Variants in PARD3 observed in about 807,000 individuals in gnomAD.
PARD3 encodes the protein par-3 family cell polarity regulator.
Under a neutral mutation model 155.4 loss-of-function variants are expected in PARD3, and 75 were observed. The ratio of observed to expected loss-of-function variants is 0.48; its 90% CI spans 0.40 to 0.58. The LOEUF is 0.58. Among genes scored for constraint, PARD3 ranks in the 20% least tolerant of loss-of-function variants. The pLI is 0.00. For synonymous variants in PARD3, 576 were observed against 610.5 expected (o/e 0.94, Z 0.83); for missense variants, 1,642 against 1,721.7 (o/e 0.95, Z 0.82).
At chr10:34,691,261 C>T (rs1590669920) in intron 2 of PARD3, among the ~76,000 whole-genome samples, 1 of 152,080 alleles carries the variant, frequency 6.6e-6, no homozygotes, top group African/African-American at 2.4e-5. Flanking sequence ...GATGCAAAAC[C>T]AATGTATAAA....
At chr10:34,381,603 G>A (rs927431123) in intron 9 of PARD3, among the ~76,000 whole-genome samples, 4 of 151,920 alleles carry the variant, frequency 2.6e-5, no homozygotes, top group South Asian at 2.1e-4. Context: ...ATGAAGAATC[G>A]GCAATCGACA....
chr10:34,229,344 G>A (rs1437658276), intron 22 of PARD3, among the ~76,000 whole-genome samples: 1 of 152,046 alleles, frequency 6.6e-6, no homozygotes, highest in Non-Finnish European at 1.5e-5. Flanking sequence ...TTGGCCTCCT[G>A]AGTAAGCTGG....
At chr10:34,322,346 G>T (rs1055378461) in intron 19 of PARD3, among the ~76,000 whole-genome samples, 1 of 152,164 alleles carries the variant, frequency 6.6e-6, no homozygotes, top group Non-Finnish European at 1.5e-5. Context: ...GCAGAAAAAT[G>T]TTGGGTCTTT....
At chr10:34,175,473 G>A (rs1231702298) in intron 22 of PARD3, among the ~76,000 whole-genome samples, 1 of 152,156 alleles carries the variant, frequency 6.6e-6, no homozygotes, top group African/African-American at 2.4e-5. Context: ...AGGGGCCCCA[G>A]AGACTGGATC....
intron 22 of PARD3, among the ~76,000 whole-genome samples, chr10:34,168,032 A>C (rs1173140225): frequency 6.7e-6 from 1 of 148,416 alleles, no homozygotes; most frequent in Non-Finnish European, 1.5e-5. Context: ...AGGTCGTGTC[A>C]TAGTAATGGC....
rs905035715 is a variant in PARD3 at position 34,345,756 on chromosome 10, T to C, written c.2218+2209A>G. 24 of 985,294 alleles carry C rather than the reference T, an allele frequency of 2.4e-5. No homozygotes were observed. In the African/African-American group the frequency reaches 3.8e-4, roughly 16 times the overall value. 61.0% of individuals were successfully genotyped at this position (985,294 alleles called of 1,614,324 possible). Reference sequence around the variant, plus strand: ...GCCCCATACCTCTCCTAATGCCTTGTTTGGGCATTCTCTTGCAAGGTAACG... The same window carrying C: ...GCCCCATACCTCTCCTAATGCCTTGCTTGGGCATTCTCTTGCAAGGTAACG... On this transcript the variant is annotated intron_variant, in intron 15 of 24. Coordinates refer to ENST00000374788, the MANE Select transcript of PARD3 (RefSeq NM_001184785.2).
At chr10:34,679,126 C>G (rs374665484) in intron 2 of PARD3, among the ~76,000 whole-genome samples, 2 of 152,034 alleles carry the variant, frequency 1.3e-5, no homozygotes, top group African/African-American at 4.8e-5. Flanking sequence ...GCTCAGTCCT[C>G]AAGGAAAGGG....
chr10:34,247,972 C>T (rs968518737), intron 22 of PARD3, among the ~76,000 whole-genome samples: 4 of 152,148 alleles, frequency 2.6e-5, no homozygotes, highest in South Asian at 2.1e-4. Flanking sequence ...AACTGATTTA[C>T]GGGAGTCCTA....
intron 4 of PARD3, among the ~76,000 whole-genome samples, chr10:34,466,762 C>T (rs553426351): frequency 6.6e-6 from 1 of 152,034 alleles, no homozygotes; most frequent in Non-Finnish European, 1.5e-5. Context: ...AGCAAGTATG[C>T]TTTCCTTCCT....
chr10:34,560,197 A>C (rs1167830892), intron 2 of PARD3, among the ~76,000 whole-genome samples: 19 of 152,188 alleles, frequency 1.2e-4, no homozygotes, highest in Non-Finnish European at 2.8e-4. Flanking sequence ...AAAGCCAAAA[A>C]CAATTATTTT....
chr10:34,394,527 T>C (rs564020970), intron 7 of PARD3, among the ~76,000 whole-genome samples: 4 of 152,290 alleles, frequency 2.6e-5, no homozygotes, highest in African/African-American at 7.2e-5. Flanking sequence ...GGTTTTGCCA[T>C]GTTGCCAAGA....
intron 22 of PARD3, among the ~76,000 whole-genome samples, chr10:34,255,981 G>C (rs917486179): frequency 1.3e-5 from 2 of 152,128 alleles, no homozygotes; most frequent in Non-Finnish European, 2.9e-5. Context: ...ATCAACACAT[G>C]AATCACATCA....
chr10:34,460,305 TC>T (rs1012546005), intron 4 of PARD3, among the ~76,000 whole-genome samples: 7 of 151,648 alleles, frequency 4.6e-5, no homozygotes, highest in African/African-American at 1.7e-4. Context: ...ACTCTCCCCT[TC>T]CCCCCAAAAA....
At chr10:34,205,051 T>C (rs779658841) in intron 22 of PARD3, among the ~76,000 whole-genome samples, 5 of 152,172 alleles carry the variant, frequency 3.3e-5, no homozygotes, top group Admixed American at 1.3e-4. Context: ...ATGATTATCA[T>C]CAAAAAAGTT....
intron 1 of PARD3, among the ~76,000 whole-genome samples, chr10:34,783,446 T>C (rs1320584526): frequency 1.3e-5 from 2 of 151,196 alleles, no homozygotes; most frequent in Admixed American, 6.6e-5. Context: ...TCACTAAAAA[T>C]ACAAAAAATT....
chr10:34,723,878 TG>T (rs1039574053), intron 1 of PARD3, among the ~76,000 whole-genome samples: 16 of 152,178 alleles, frequency 1.1e-4, no homozygotes, highest in Non-Finnish European at 5.9e-5. Flanking sequence ...GGGCTCACAG[TG>T]GAAGGGTGCC....
intron 1 of PARD3, among the ~76,000 whole-genome samples, chr10:34,802,601 G>C (rs888142074): frequency 6.6e-6 from 1 of 152,098 alleles, no homozygotes; most frequent in Non-Finnish European, 1.5e-5. Flanking sequence ...ACCTGGAAAA[G>C]CTCTTCCATT....
intron 4 of PARD3, among the ~76,000 whole-genome samples, chr10:34,457,384 T>C (rs527598720): frequency 1.3e-5 from 2 of 152,250 alleles, no homozygotes; most frequent in South Asian, 4.1e-4. Context: ...CTGTTCCTAA[T>C]CCACTTTGAC....
chr10:34,232,635 C>T (rs1438828433), intron 22 of PARD3, among the ~76,000 whole-genome samples: 2 of 152,088 alleles, frequency 1.3e-5, no homozygotes, highest in Non-Finnish European at 2.9e-5. Context: ...CCCCAAATTA[C>T]AATATAGAGA....
Sources: allele counts gnomAD v4.1 joint callset (sites outside exome capture counted in the v4.1 genomes callset), GRCh38; gene constraint gnomAD v4.1.1; transcripts MANE v1.5; gene names NCBI Gene and HGNC (gene_info 2026-07-23, HGNC 2026-07-21).